The following HIVEP3 variants were observed in gnomAD, a reference collection of about 807,000 sequenced individuals.
HIVEP3 encodes the protein transcription factor HIVEP3.
HIVEP3 carries 49 observed loss-of-function variants against 152.8 expected under a neutral mutation model. The observed-to-expected ratio is 0.32, with a 90% confidence interval of 0.26 to 0.41. The LOEUF (loss-of-function observed/expected upper bound fraction) is 0.41. Ranked by LOEUF, HIVEP3 falls within the 10% of genes least tolerant of loss-of-function variation. HIVEP3 has a pLI of 1.00. For synonymous variants in HIVEP3, 1,269 were observed against 1,289.0 expected (o/e 0.98, Z 0.33); for missense variants, 2,790 against 3,103.3 (o/e 0.90, Z 2.40).
chr1:41,665,707 T>TATACACACACAC (rs1553245979), intron 2 of HIVEP3, among the ~76,000 whole-genome samples: 2 of 127,932 alleles, frequency 1.6e-5, no homozygotes, highest in African/African-American at 6.2e-5. Context: ...GGAAATGTTA[T>TATACACACACAC]ACACACACAC....
chr1:42,006,567 CAAAAA>C (rs35692836), intron 1 of HIVEP3, among the ~76,000 whole-genome samples: 2 of 132,860 alleles, frequency 1.5e-5, no homozygotes, highest in Non-Finnish European at 1.6e-5. Flanking sequence ...TTTCCAAAGC[CAAAAA>C]AAAAAAAAAA....
chr1:41,791,670 T>G (rs897931483), intron 1 of HIVEP3, among the ~76,000 whole-genome samples: 5 of 152,186 alleles, frequency 3.3e-5, no homozygotes, highest in Admixed American at 6.5e-5. Context: ...TTGGTTCTTT[T>G]ATGAGAGAGG....
chr1:41,951,877 C>T (rs1217563410), intron 1 of HIVEP3, among the ~76,000 whole-genome samples: 3 of 152,130 alleles, frequency 2.0e-5, no homozygotes, highest in African/African-American at 7.2e-5. Flanking sequence ...GTGGGGAGTA[C>T]AATTCAAGAT....
At chr1:41,728,590 T>C (rs1269151973) in intron 1 of HIVEP3, among the ~76,000 whole-genome samples, 1 of 152,174 alleles carries the variant, frequency 6.6e-6, no homozygotes, top group Non-Finnish European at 1.5e-5. Context: ...GCCAGACTTG[T>C]TCTCAATCTA....
chr1:42,001,846 G>T (rs1271762482), intron 1 of HIVEP3, among the ~76,000 whole-genome samples: 1 of 151,918 alleles, frequency 6.6e-6, no homozygotes, highest in Non-Finnish European at 1.5e-5. Flanking sequence ...CCCCCACCCT[G>T]CCCTGACCCC....
At chr1:41,866,911 C>T (rs1339206826) in intron 1 of HIVEP3, among the ~76,000 whole-genome samples, 1 of 152,230 alleles carries the variant, frequency 6.6e-6, no homozygotes, top group Non-Finnish European at 1.5e-5. Context: ...TTGACTGTGT[C>T]TTAAGGACAC....
chr1:41,773,330 G>A (rs542577407), intron 1 of HIVEP3, among the ~76,000 whole-genome samples: 1 of 152,342 alleles, frequency 6.6e-6, no homozygotes, highest in African/African-American at 2.4e-5. Context: ...GGGCAAGGCT[G>A]CCTTTCCTCA....
intron 1 of HIVEP3, among the ~76,000 whole-genome samples, chr1:41,969,125 C>T (rs1008612785): frequency 6.6e-6 from 1 of 152,088 alleles, no homozygotes; most frequent in Non-Finnish European, 1.5e-5. Context: ...GTGAAAATGG[C>T]CATATTGCCC....
intron 1 of HIVEP3, among the ~76,000 whole-genome samples, chr1:41,749,294 A>C (rs933801584): frequency 6.6e-6 from 1 of 152,096 alleles, no homozygotes; most frequent in African/African-American, 2.4e-5. Context: ...AGCCCCTCTC[A>C]CTTCCCCTGG....
At chr1:41,791,518 T>C (rs1372133079) in intron 1 of HIVEP3, among the ~76,000 whole-genome samples, 2 of 152,178 alleles carry the variant, frequency 1.3e-5, no homozygotes, top group Non-Finnish European at 2.9e-5. Context: ...ATGTGATGGC[T>C]GGTGCTCCAG....
intron 2 of HIVEP3, among the ~76,000 whole-genome samples, chr1:41,676,258 G>A (rs1344196643): frequency 1.3e-5 from 2 of 152,130 alleles, no homozygotes; most frequent in African/African-American, 4.8e-5. Flanking sequence ...CACCATGGTG[G>A]CCAGGCTGGT....
chr1:41,831,110 C>T (rs575751828), intron 1 of HIVEP3, among the ~76,000 whole-genome samples: 1 of 152,282 alleles, frequency 6.6e-6, no homozygotes, highest in Admixed American at 6.5e-5. Flanking sequence ...CTGCAGAGGA[C>T]AAATACCTTG....
At chr1:41,867,044 C>T (rs1335069399) in intron 1 of HIVEP3, among the ~76,000 whole-genome samples, 1 of 152,204 alleles carries the variant, frequency 6.6e-6, no homozygotes, top group Non-Finnish European at 1.5e-5. Flanking sequence ...ATCCTCACCA[C>T]CACCATGATG....
chr1:41,760,474 C>G (rs1414320071), intron 1 of HIVEP3, among the ~76,000 whole-genome samples: 1 of 152,210 alleles, frequency 6.6e-6, no homozygotes, highest in Non-Finnish European at 1.5e-5. Flanking sequence ...GTTAATCCCT[C>G]TTCTGTGCTC....
chr1:41,754,917 T>G (rs1647245362), intron 1 of HIVEP3, among the ~76,000 whole-genome samples: 1 of 152,190 alleles, frequency 6.6e-6, no homozygotes, highest in South Asian at 2.1e-4. Context: ...AAGTTTAAAT[T>G]AGTACCACCT....
chr1:41,542,569 G>A (rs567357598), intron 5 of HIVEP3: 3 of 152,742 alleles, frequency 2.0e-5, no homozygotes, highest in East Asian at 1.9e-4. Context: ...GCATGAGGAA[G>A]AGGAAGATGA....
intron 1 of HIVEP3, among the ~76,000 whole-genome samples, chr1:41,735,242 T>G (rs1646899121): frequency 6.6e-6 from 1 of 152,198 alleles, no homozygotes; most frequent in Non-Finnish European, 1.5e-5. Context: ...ATTGAGTGCC[T>G]GCTGTTTGGG....
chr1:41,608,682 C>T (rs1644855336), intron 3 of HIVEP3, among the ~76,000 whole-genome samples: 1 of 152,234 alleles, frequency 6.6e-6, no homozygotes, highest in Non-Finnish European at 1.5e-5. Flanking sequence ...TGTGCAATCT[C>T]ATGGGCTTTC....
chr1:41,661,671 TG>T (rs887277617), intron 2 of HIVEP3, among the ~76,000 whole-genome samples: 37 of 152,160 alleles, frequency 2.4e-4, no homozygotes, highest in Non-Finnish European at 4.7e-4. Context: ...TGCATGGCCT[TG>T]GGGGAAGCTA....
Sources: allele counts gnomAD v4.1 joint callset (sites outside exome capture counted in the v4.1 genomes callset), GRCh38; gene constraint gnomAD v4.1.1; transcripts MANE v1.5; gene names NCBI Gene and HGNC (gene_info 2026-07-23, HGNC 2026-07-21).